The following SLC39A10 variants were observed in gnomAD, a reference collection of about 807,000 sequenced individuals.
SLC39A10 encodes the protein zinc transporter ZIP10.
In SLC39A10, 13 loss-of-function variants were observed where a neutral mutation model predicts 65.1. That is an observed-to-expected ratio of 0.20 (90% CI 0.13 to 0.32). SLC39A10 has a LOEUF of 0.32. SLC39A10 is among the 10% of genes least tolerant of loss of function. SLC39A10 has a pLI of 1.00. For missense variants in SLC39A10, 831 were observed against 1,018.4 expected, an observed-to-expected ratio of 0.82 and a Z score of 2.50; for synonymous variants, 321 against 342.2, an observed-to-expected ratio of 0.94 and a Z score of 0.68.
At chr2:195,732,221 C>G in intron 9 of SLC39A10, among the ~76,000 whole-genome samples, 1 of 152,146 alleles carries the variant, frequency 6.6e-6, no homozygotes, top group Middle Eastern at 3.2e-3. Context: ...AGTAGAATGA[C>G]ATGATCACAT....
chr2:195,618,984 T>A (rs773421698), intron 2 of SLC39A10, among the ~76,000 whole-genome samples: 10 of 150,428 alleles, frequency 6.6e-5, no homozygotes, highest in Admixed American at 1.3e-4. Context: ...TCCCAGCTAC[T>A]CGGGTGGCTG....
chr2:195,621,952 T>A (rs531753869), intron 2 of SLC39A10, among the ~76,000 whole-genome samples: 1 of 152,180 alleles, frequency 6.6e-6, no homozygotes. Context: ...CTGAGTCCCA[T>A]ATAGTAAATG....
chr2:195,713,152 A>G (rs894759856), intron 5 of SLC39A10, among the ~76,000 whole-genome samples: 2 of 152,176 alleles, frequency 1.3e-5, no homozygotes, highest in Non-Finnish European at 2.9e-5. Flanking sequence ...TACACGTTTC[A>G]TTTGTTGCAT....
At chr2:195,690,525 A>G (rs1328688452) in intron 3 of SLC39A10, among the ~76,000 whole-genome samples, 1 of 152,194 alleles carries the variant, frequency 6.6e-6, no homozygotes, top group East Asian at 1.9e-4. Context: ...CAGTTTCTCC[A>G]CATCTTTGCC....
intron 2 of SLC39A10, among the ~76,000 whole-genome samples, chr2:195,629,340 G>C (rs1439946171): frequency 1.4e-5 from 2 of 145,782 alleles, no homozygotes; most frequent in Non-Finnish European, 3.0e-5. Context: ...GTTGCAGTGA[G>C]CCGAGATCAC....
intron 2 of SLC39A10, among the ~76,000 whole-genome samples, chr2:195,614,652 A>G (rs1188436366): frequency 6.6e-6 from 1 of 152,232 alleles, no homozygotes; most frequent in African/African-American, 2.4e-5. Context: ...TAAGCTTTAG[A>G]CAAACTCTGC....
intron 6 of SLC39A10, 76 bp downstream of exon 6, chr2:195,713,629 T>A: frequency 7.1e-7 from 1 of 1,417,948 alleles, no homozygotes; most frequent in African/African-American, 1.5e-5. Flanking sequence ...AATTTCTATT[T>A]ACATTCATTC....
At chr2:195,693,874 T>C (rs1293659596) in intron 3 of SLC39A10, among the ~76,000 whole-genome samples, 1 of 152,202 alleles carries the variant, frequency 6.6e-6, no homozygotes, top group African/African-American at 2.4e-5. Context: ...GCTTCACCAG[T>C]TCTGTGAGGT....
At chr2:195,631,803 G>C (rs1688591119) in intron 2 of SLC39A10, among the ~76,000 whole-genome samples, 1 of 152,058 alleles carries the variant, frequency 6.6e-6, no homozygotes, top group Non-Finnish European at 1.5e-5. Flanking sequence ...AATTGCTATA[G>C]CTGCTTCATC....
chr2:195,676,066 G>C (rs755325969), intron 1 of SLC39A10, among the ~76,000 whole-genome samples: 1 of 151,926 alleles, frequency 6.6e-6, no homozygotes, highest in Non-Finnish European at 1.5e-5. Flanking sequence ...ATGTAGTAGT[G>C]GAGTTTTTTT....
rs528010087 is a variant in SLC39A10 at position 195,680,447 on chromosome 2, A to G, written c.405A>G (p.Leu135=). The change falls in exon 2 of 10, where the codon TTA becomes TTG. Residue 135 remains leucine, a synonymous_variant. Transcript: ENST00000359634. ...ACCACCAGCATTCCCATAATCATTT[A>G]AATTCAGAAAATCAAACTGTGACCA... The part of the protein sequence containing the change: ...SHNHQHSHNH[L]NSENQTVTSV... 3 of 1,614,178 alleles carry G rather than the reference A, an allele frequency of 1.9e-6. No individual in the cohort carries two copies. The South Asian group carries it at 3.3e-5, about 18-fold the overall frequency.
At chr2:195,660,526 T>C (rs1324600145) in intron 1 of SLC39A10, among the ~76,000 whole-genome samples, 1 of 152,230 alleles carries the variant, frequency 6.6e-6, no homozygotes, top group Non-Finnish European at 1.5e-5. Context: ...TAAGGTAATG[T>C]TTAAATTACA....
chr2:195,737,053 A>T lies in SLC39A10; in HGVS notation c.*2012A>T, dbSNP rs1692645473. ...TTAAAATAAATGCCTGATTGATTTA[A>T]AGCAAGTAGGTTATGCTGAAGTATA... On this transcript the variant is annotated 3_prime_UTR_variant, in exon 10 of 10. Coordinates refer to ENST00000359634, the MANE Select transcript of SLC39A10 (RefSeq NM_020342.3). 6.6e-6 allele frequency: 1 copy of T among 152,510 alleles called. No individual in the cohort carries two copies. The highest frequency in any genetic ancestry group is 1.5e-5 in the Non-Finnish European group (1 of 68,020). The allele number at this position is 152,510 out of a possible 1,614,324, so 9.4% of individuals were successfully genotyped here.
chr2:195,688,937 G>A (rs1368152200), intron 3 of SLC39A10, among the ~76,000 whole-genome samples: 2 of 152,160 alleles, frequency 1.3e-5, no homozygotes, highest in Non-Finnish European at 2.9e-5. Flanking sequence ...CTGCCATTTG[G>A]ATTAATAAAG....
intron 9 of SLC39A10, among the ~76,000 whole-genome samples, chr2:195,731,751 T>C (rs373724866): frequency 1.3e-5 from 2 of 152,186 alleles, no homozygotes; most frequent in South Asian, 4.1e-4. Flanking sequence ...TAGAAAGTTT[T>C]TCCATCAAAA....
At chr2:195,654,913 A>G (rs1463393869), upstream of SLC39A10, among the ~76,000 whole-genome samples, 1 of 152,044 alleles carries the variant, frequency 6.6e-6, no homozygotes, top group Non-Finnish European at 1.5e-5. Flanking sequence ...CATTTATTCT[A>G]TCTGATAATT....
intron 3 of SLC39A10, among the ~76,000 whole-genome samples, chr2:195,706,201 C>T (rs147683362): frequency 1.3e-5 from 2 of 152,010 alleles, no homozygotes; most frequent in East Asian, 1.9e-4. Flanking sequence ...GATTGTAACA[C>T]GTTAAATAGA....
chr2:195,704,697 A>G lies in SLC39A10; in HGVS notation c.1217-1919A>G, dbSNP rs141518461. 2.8e-3 allele frequency among the ~76,000 whole-genome samples: 428 copies of G among 152,322 alleles called. 3 individuals are homozygous for G. The highest frequency in any genetic ancestry group is 4.1e-3 in the Non-Finnish European group (281 of 68,026). On this transcript the variant is annotated intron_variant, in intron 3 of 9. Transcript: ENST00000359634. Reference sequence around the variant, plus strand: ...TGAGCATATATTTTTTCTTTCTAGAATAAGGTTTTTGACATCAGCTCCCCG... The same window carrying G: ...TGAGCATATATTTTTTCTTTCTAGAGTAAGGTTTTTGACATCAGCTCCCCG...
intron 2 of SLC39A10, among the ~76,000 whole-genome samples, chr2:195,646,026 C>T (rs950996458): frequency 6.6e-6 from 1 of 152,128 alleles, no homozygotes; most frequent in African/African-American, 2.4e-5. Flanking sequence ...CAGCTCACTG[C>T]AGCCTTGACC....
Sources: gnomAD v4.1 joint callset for allele counts (sites outside exome capture counted in the v4.1 genomes callset) on GRCh38, gnomAD v4.1.1 for gene constraint, MANE v1.5 for transcripts, NCBI Gene and HGNC (gene_info 2026-07-23, HGNC 2026-07-21) for gene names.